The following CEACAM20 variants were observed in gnomAD, a reference collection of about 807,000 sequenced individuals.
CEACAM20 encodes CEA cell adhesion molecule 20.
Under a neutral mutation model 61.2 loss-of-function variants are expected in CEACAM20, and 50 were observed. The ratio of observed to expected loss-of-function variants is 0.82; its 90% CI spans 0.65 to 1.03. CEACAM20 has a LOEUF of 1.03. Among genes scored for constraint, CEACAM20 ranks in the 50% least tolerant of loss-of-function variants. CEACAM20 has a pLI of 0.00. For synonymous variants in CEACAM20, 282 were observed against 287.7 expected, an observed-to-expected ratio of 0.98 and a Z score of 0.20; for missense variants, 683 against 736.4, an observed-to-expected ratio of 0.93 and a Z score of 0.84.
intron 2 of CEACAM20, 63 bp from the exon 3 acceptor site, chr19:44,524,324 G>C: frequency 6.6e-7 from 1 of 1,516,514 alleles, no homozygotes; most frequent in Non-Finnish European, 8.9e-7. Context: ...ACAAGACATA[G>C]TCACAGAGGG....
chr19:44,520,252 G>A (rs1181941647), intron 5 of CEACAM20, among the ~76,000 whole-genome samples: 1 of 152,298 alleles, frequency 6.6e-6, no homozygotes, highest in Middle Eastern at 3.4e-3. Flanking sequence ...TAAATCTGGT[G>A]GTGTCCCTAA....
intron 4 of CEACAM20, 21 bp from the exon 5 acceptor site, chr19:44,520,773 A>G (rs1568455330): frequency 6.2e-7 from 1 of 1,605,188 alleles, no homozygotes; most frequent in Admixed American, 1.7e-5. Context: ...GTGGAGATAC[A>G]CAGTCAGGTT....
At chr19:44,520,949 GATT>G (rs367997494) in intron 4 of CEACAM20, among the ~76,000 whole-genome samples, 197 bp from the exon 5 acceptor site, 5 of 152,094 alleles carry the variant, frequency 3.3e-5, no homozygotes, top group African/African-American at 1.2e-4. Flanking sequence ...TGTGTCGTGT[GATT>G]ATTATGTGAA....
chr19:44,512,702 G>T (rs1971037481), intron 8 of CEACAM20, among the ~76,000 whole-genome samples, 166 bp downstream of exon 8: 1 of 152,230 alleles, frequency 6.6e-6, no homozygotes, highest in Admixed American at 6.5e-5. Context: ...CAGAGGGCTT[G>T]ACTCCAATCT....
In CEACAM20 at chr19:44,511,143, A is replaced by G; in HGVS notation, c.1624T>C (p.Ser542Pro). The G allele has an allele frequency of 6.2e-7, 1 of 1,613,578 alleles. No homozygotes were observed. Among genetic ancestry groups the G allele is most frequent in the Non-Finnish European group, 8.5e-7 (1 of 1,179,792 alleles). ...PEETYETKLP[S>P]ASRRGNSFSP... ...AAAGAATTGCCTCTACGGCTTGCTG[A>G]AGGCAGCTTCGTCTGCAAGTAAGCA... The change falls in exon 11 of 12, where the codon TCA becomes CCA. Residue 542 changes from serine (S) to proline (P), a missense_variant. Physicochemically the swap from Ser to Pro is moderately conservative, Grantham distance 74 (BLOSUM62 -1). Coordinates refer to ENST00000614924, the MANE Select transcript of CEACAM20 (RefSeq NM_001102597.3).
intron 5 of CEACAM20, among the ~76,000 whole-genome samples, chr19:44,518,167 G>GAAGA (rs1555743497): frequency 0.064 from 3,116 of 48,498 alleles, 332 homozygotes; most frequent in Non-Finnish European, 0.082. Flanking sequence ...AGGAAGGAAG[G>GAAGA]AAGAAAGCAG....
At chr19:44,520,845 C>CGTGTGT in intron 4 of CEACAM20, 93 bp from the exon 5 acceptor site, 1 of 974,852 alleles carries the variant, frequency 1.0e-6, no homozygotes, top group Non-Finnish European at 1.5e-6. Flanking sequence ...GGAGTGCGTG[C>CGTGTGT]GTGTGTGTGT....
chr19:44,519,688 G>A lies in CEACAM20; in HGVS notation c.1030+786C>T, dbSNP rs150080324. ...ACAGTGCAACCATTTCTCAACACCC[G>A]ACAGTTGCCATTCTGGTCCAGCCCT... On this transcript the variant is annotated intron_variant, in intron 5 of 11. Coordinates refer to ENST00000614924, the MANE Select transcript of CEACAM20 (RefSeq NM_001102597.3). Among the ~76,000 whole-genome samples, 47 of 152,196 alleles carry A rather than the reference G, an allele frequency of 3.1e-4. No individual in the cohort carries two copies. The East Asian group carries it at 7.7e-3, about 25-fold the overall frequency.
chr19:44,509,360 TTA>T (rs1491320335), intron 11 of CEACAM20, among the ~76,000 whole-genome samples: 1 of 109,120 alleles, frequency 9.2e-6, no homozygotes, highest in Non-Finnish European at 2.1e-5. Context: ...AGCAACGAAA[TTA>T]AAAAAAAAAC....
Position 44,522,871 on chromosome 19 carries a change from C to A in CEACAM20, c.514G>T (p.Ala172Ser). 1 of 1,608,272 alleles carries A rather than the reference C, an allele frequency of 6.2e-7. No individual in the cohort carries two copies. Among genetic ancestry groups the A allele is most frequent in the Admixed American group, 1.7e-5 (1 of 58,838 alleles). Residue 172 changes from alanine (A) to serine (S), a missense_variant, in exon 4 of 12, where the codon GCC (alanine) becomes TCC (serine). Ala to Ser is a moderately conservative substitution (Grantham distance 99, BLOSUM62 1). Transcript: ENST00000614924. ...PVEIKLESGV[A>S]SGEVVEVMEG... ...ATCACCTCAACCACCTCCCCACTGGCAACACCAGACTCCAATTTGATTTCA... is the reference window on the plus strand; with the variant it reads ...ATCACCTCAACCACCTCCCCACTGGAAACACCAGACTCCAATTTGATTTCA...
At position 44,524,683 on chromosome 19, in the gene CEACAM20, G is replaced by A. The variant is rs373026780; in HGVS notation, c.196+418C>T. Among the ~76,000 whole-genome samples the A allele has an allele frequency of 5.3e-5, 8 of 152,100 alleles. No individual in the cohort carries two copies. In the East Asian group the frequency reaches 7.8e-4, roughly 15 times the overall value. ...CAACCTTGACCTCATGGGCTCAAGC[G>A]ATCCTCCCACCTCAGCTTCCCAAAT... On this transcript the variant is annotated intron_variant, in intron 2 of 11. Transcript: ENST00000614924.
chr19:44,524,979 T>A (rs1971482851), intron 2 of CEACAM20, 122 bp downstream of exon 2: 3 of 1,248,024 alleles, frequency 2.4e-6, no homozygotes, highest in African/African-American at 1.6e-5. Flanking sequence ...CTGAACCAGT[T>A]GTTGCTGGAC....
At chr19:44,508,520 G>C (rs954349933) in intron 11 of CEACAM20, among the ~76,000 whole-genome samples, 6 of 152,228 alleles carry the variant, frequency 3.9e-5, no homozygotes, top group African/African-American at 1.4e-4. Flanking sequence ...CTCCCAAGTA[G>C]CTGGGATTAC....
In CEACAM20 at chr19:44,511,154, G is replaced by GT; in HGVS notation, c.1612dup (p.Thr538AsnfsTer9). On this transcript the variant is annotated frameshift_variant and splice_region_variant, in exon 11 of 12. Coordinates refer to ENST00000614924, the MANE Select transcript of CEACAM20 (RefSeq NM_001102597.3). LOFTEE classifies it high-confidence loss of function. ...TCTACGGCTTGCTGAAGGCAGCTTC[G>GT]TCTGCAAGTAAGCAGAGAAATTAGG... 6.2e-7 allele frequency: 1 copy of GT among 1,613,474 alleles called. No individual in the cohort carries two copies.
At chr19:44,510,873 A>T (rs1331670056) in intron 11 of CEACAM20, 157 bp downstream of exon 11, 7 of 836,908 alleles carry the variant, frequency 8.4e-6, no homozygotes, top group Non-Finnish European at 1.3e-5. Flanking sequence ...AACCAACTAG[A>T]AAATGACATG....
chr19:44,510,499 C>A (rs1444760117), intron 11 of CEACAM20, among the ~76,000 whole-genome samples: 4 of 132,466 alleles, frequency 3.0e-5, no homozygotes, highest in Non-Finnish European at 6.2e-5. Context: ...GGTGATGGAG[C>A]AAGACCCTGT....
chr19:44,528,271 C>G (rs1185456263), intron 1 of CEACAM20, among the ~76,000 whole-genome samples: 2 of 151,086 alleles, frequency 1.3e-5, no homozygotes, highest in Non-Finnish European at 2.9e-5. Context: ...CTCTGTCACA[C>G]AGGCTGGAGT....
At chr19:44,527,809 G>A (rs1039424517) in intron 1 of CEACAM20, among the ~76,000 whole-genome samples, 2 of 152,238 alleles carry the variant, frequency 1.3e-5, no homozygotes, top group African/African-American at 4.8e-5. Flanking sequence ...CCTCACCTCT[G>A]CACATGACCT....
chr19:44,511,113 G>T lies in CEACAM20; in HGVS notation c.1654C>A (p.Pro552Thr), dbSNP rs570594938. 9.3e-5 allele frequency: 150 copies of T among 1,613,970 alleles called. No individual in the cohort carries two copies. In the South Asian group the frequency reaches 1.3e-3, roughly 14 times the overall value. The change falls in exon 11 of 12, where the codon CCC (proline) becomes ACC (threonine). Residue 552 changes from proline (P) to threonine (T), a missense_variant. Pro to Thr is a conservative substitution (Grantham distance 38). Transcript: ENST00000614924. Reference sequence around the variant, plus strand: ...AGAGGTTTGGGTGGTGGCTTCCAGGGGCTGAAAGAATTGCCTCTACGGCTT... The same window carrying T: ...AGAGGTTTGGGTGGTGGCTTCCAGGTGCTGAAAGAATTGCCTCTACGGCTT... The part of the protein sequence containing the change: ...SASRRGNSFS[P>T]WKPPPKPLMP...
Sources: gnomAD v4.1 joint callset for allele counts (sites outside exome capture counted in the v4.1 genomes callset) on GRCh38, gnomAD v4.1.1 for gene constraint, MANE v1.5 for transcripts, NCBI Gene and HGNC (gene_info 2026-07-23, HGNC 2026-07-21) for gene names.